Variants in ACAD9 observed in about 807,000 individuals in gnomAD.
ACAD9 encodes the protein complex I assembly factor ACAD9, mitochondrial.
A neutral mutation model predicts 70.2 loss-of-function variants in ACAD9; 53 were observed. The ratio of observed to expected loss-of-function variants is 0.75; its 90% CI spans 0.61 to 0.95. The LOEUF (loss-of-function observed/expected upper bound fraction) is 0.95. ACAD9 is among the 40% of genes least tolerant of loss of function. The pLI is 0.00. For synonymous variants in ACAD9, 313 were observed against 312.1 expected, an observed-to-expected ratio of 1.00 and a Z score of -0.03; for missense variants, 777 against 802.8, an observed-to-expected ratio of 0.97 and a Z score of 0.39.
rs771419319 is a variant in ACAD9, at chr3:128,879,661, CTG to C, written c.-30_-29del. On this transcript the variant is annotated 5_prime_UTR_variant, in exon 1 of 18. Coordinates refer to ENST00000308982, the MANE Select transcript of ACAD9 (RefSeq NM_014049.5). ...TCCCTGCGGCGCTAAGAAGGGGAGA[CTG>C]AGGCTGAGGCTGGGGAACATCGGGC... The C allele has an allele frequency of 9.9e-6, 16 of 1,611,078 alleles. No individual in the cohort carries two copies. The highest frequency in any genetic ancestry group is 1.3e-5 in the African/African-American group (1 of 74,818).
intron 1 of ACAD9, among the ~76,000 whole-genome samples, chr3:128,884,056 G>C (rs796756664): frequency 3.3e-4 from 51 of 152,356 alleles, no homozygotes; most frequent in African/African-American, 1.2e-3. Context: ...ACAGGGAGCA[G>C]ATGTCTGTGA....
intron 12 of ACAD9, 100 bp from the exon 13 acceptor site, chr3:128,908,085 A>T: frequency 8.8e-7 from 1 of 1,141,864 alleles, no homozygotes. Flanking sequence ...TTTTGTGGCA[A>T]TGGGCAAGCA....
At chr3:128,908,119 A>C in intron 12 of ACAD9, 66 bp from the exon 13 acceptor site, 1 of 1,479,610 alleles carries the variant, frequency 6.8e-7, no homozygotes, top group Non-Finnish European at 9.4e-7. Context: ...TCTACCCAGC[A>C]CACGTGGCAC....
At chr3:128,900,130 A>G (rs772361983) in intron 7 of ACAD9, among the ~76,000 whole-genome samples, 2 of 151,944 alleles carry the variant, frequency 1.3e-5, no homozygotes, top group Non-Finnish European at 2.9e-5. Flanking sequence ...TGGGGTTTCA[A>G]CATGTTGCCC....
At chr3:128,911,199 G>A (rs1418916437) in intron 17 of ACAD9, among the ~76,000 whole-genome samples, 1 of 152,112 alleles carries the variant, frequency 6.6e-6, no homozygotes, top group Non-Finnish European at 1.5e-5. Context: ...TGGGATTACA[G>A]GCGCACGCCA....
chr3:128,910,310 G>T, intron 16 of ACAD9, 161 bp downstream of exon 16: 1 of 1,486,974 alleles, frequency 6.7e-7, no homozygotes, highest in Non-Finnish European at 8.9e-7. Flanking sequence ...CAGGAGATGG[G>T]GCTGTTCCCT....
At position 128,906,274 on chromosome 3, in the gene ACAD9, G is replaced by C. The variant is rs534013193; in HGVS notation, c.1278+25G>C. ...GGTGAGTGGCCCCGCCACCAGCTAA[G>C]CTGTGCTCCACCCCCACCCTGCCTG... On this transcript the variant is annotated intron_variant, in intron 12 of 17. Coordinates refer to ENST00000308982, the MANE Select transcript of ACAD9 (RefSeq NM_014049.5). The C allele has an allele frequency of 2.6e-4, 425 of 1,613,398 alleles. 2 individuals are homozygous for C. In the South Asian group the frequency reaches 4.2e-3, roughly 16 times the overall value.
chr3:128,886,639 C>T (rs1326187729), intron 2 of ACAD9, among the ~76,000 whole-genome samples: 3 of 143,336 alleles, frequency 2.1e-5, no homozygotes, highest in Non-Finnish European at 4.5e-5. Context: ...ACCTGGGAGG[C>T]GGAGGTTGCG....
intron 2 of ACAD9, among the ~76,000 whole-genome samples, chr3:128,887,644 A>AATATATATATATATATAT (rs71153150): frequency 7.5e-5 from 10 of 133,100 alleles, no homozygotes; most frequent in African/African-American, 2.0e-4. Context: ...AAAATAAATA[A>AATATATATATATATATAT]ATATATATAT....
chr3:128,887,656 T>C (rs530705354), intron 2 of ACAD9, among the ~76,000 whole-genome samples: 27 of 138,656 alleles, frequency 1.9e-4, no homozygotes, highest in Middle Eastern at 3.6e-3. Flanking sequence ...TATATATATA[T>C]ATATATATAT....
chr3:128,902,677 C>T lies in ACAD9; in HGVS notation c.958+49C>T, dbSNP rs191439926. On this transcript the variant is annotated intron_variant, in intron 9 of 17. Transcript: ENST00000308982. This position sits in a 1 kb window ranked among gnomAD's most constrained non-coding sequence, Gnocchi z 4.0. ...CTTTGTGCCCCACCCCCTGCTGCCC[C>T]GGCTCCAACCCTGGAGGCTCTGCCA... 2.2e-5 allele frequency: 35 copies of T among 1,594,232 alleles called. No homozygotes were observed. In the African/African-American group the frequency reaches 2.8e-4, roughly 13 times the overall value.
chr3:128,908,391 T>C (rs1270959270), intron 13 of ACAD9, 127 bp downstream of exon 13: 15 of 1,159,238 alleles, frequency 1.3e-5, no homozygotes, highest in Admixed American at 1.8e-5. Context: ...CGCAGCCTTG[T>C]GGAGGGGACC....
At chr3:128,908,086 T>C (rs1453538116) in intron 12 of ACAD9, 99 bp from the exon 13 acceptor site, 7 of 1,158,014 alleles carry the variant, frequency 6.0e-6, no homozygotes, top group Admixed American at 3.4e-5. Context: ...TTTGTGGCAA[T>C]GGGCAAGCAG....
At chr3:128,881,730 C>T (rs57650757) in intron 1 of ACAD9, among the ~76,000 whole-genome samples, 2,061 of 152,274 alleles carry the variant, frequency 0.014, 47 homozygotes, top group African/African-American at 0.047. Context: ...GACGCACTTT[C>T]GTCTCTGGTT....
chr3:128,907,869 C>T (rs1465406821), intron 12 of ACAD9, among the ~76,000 whole-genome samples: 1 of 152,240 alleles, frequency 6.6e-6, no homozygotes, highest in Non-Finnish European at 1.5e-5. Context: ...GGCATCAGCA[C>T]CCCTCACCAC....
At position 128,902,565 on chromosome 3, in the gene ACAD9, A is replaced by G. The variant is rs759161271; in HGVS notation, c.895A>G (p.Ile299Val). The G allele has an allele frequency of 6.2e-7, 1 of 1,614,170 alleles. No individual in the cohort carries two copies. Among genetic ancestry groups the G allele is most frequent in the South Asian group, 1.1e-5 (1 of 91,084 alleles). ...VGDGFKVAMN[I>V]LNSGRFSMGS... Reference sequence around the variant, plus strand: ...GTTCTCCCTGCAGGTGGCCATGAACATCCTCAACAGCGGCCGGTTCAGCAT... The same window carrying G: ...GTTCTCCCTGCAGGTGGCCATGAACGTCCTCAACAGCGGCCGGTTCAGCAT... Residue 299 changes from isoleucine (I) to valine (V), a missense_variant, in exon 9 of 18, where the codon ATC becomes GTC. Transcript: ENST00000308982. This position sits in a 1 kb window ranked among gnomAD's most constrained non-coding sequence, Gnocchi z 4.0.
intron 7 of ACAD9, among the ~76,000 whole-genome samples, chr3:128,901,070 C>T (rs1460286566): frequency 1.3e-5 from 2 of 152,128 alleles, no homozygotes; most frequent in Admixed American, 1.3e-4. Flanking sequence ...TAGCACTGAT[C>T]ACAATATTAC....
intron 3 of ACAD9, 107 bp downstream of exon 3, chr3:128,893,763 G>C (rs1935489271): frequency 1.0e-6 from 1 of 960,104 alleles, no homozygotes. Context: ...TCCGTGGTGG[G>C]CTACTTGGTA....
At chr3:128,892,021 C>T (rs1935434821) in intron 2 of ACAD9, among the ~76,000 whole-genome samples, 1 of 152,018 alleles carries the variant, frequency 6.6e-6, no homozygotes, top group South Asian at 2.1e-4. Context: ...TAAATCATGA[C>T]CTGAGTTAAA....
Sources: allele counts gnomAD v4.1 joint callset (sites outside exome capture counted in the v4.1 genomes callset), GRCh38; gene constraint gnomAD v4.1.1; non-coding constraint Gnocchi (gnomAD v3.1); transcripts MANE v1.5; gene names NCBI Gene and HGNC (gene_info 2026-07-23, HGNC 2026-07-21).